The following ABCB5 variants were observed in gnomAD, a reference collection of about 807,000 sequenced individuals.
ABCB5 encodes ATP-binding cassette sub-family B member 5.
A neutral mutation model predicts 144.2 loss-of-function variants in ABCB5; 155 were observed. The observed-to-expected ratio is 1.08, with a 90% confidence interval of 0.94 to 1.23. The LOEUF (loss-of-function observed/expected upper bound fraction) is 1.23, where lower values mean the gene tolerates loss of function less well. ABCB5 is among the 50% of genes most tolerant of loss of function. The pLI is 0.00. For missense variants in ABCB5, 1,830 were observed against 1,520.8 expected (o/e 1.20, Z -3.38); for synonymous variants, 610 against 528.6 (o/e 1.15, Z -2.11).
Position 20,650,094 on chromosome 7 carries a change from A to C in ABCB5, c.1279A>C (p.Lys427Gln). Residue 427 changes from lysine (K) to glutamine (Q), a missense_variant, in exon 12 of 28, where the codon AAG (lysine) becomes CAG (glutamine). Transcript: ENST00000404938. ...VALVGLNGSGKSTVVQLLQRL... is the reference protein window; with the variant it reads ...VALVGLNGSGQSTVVQLLQRL... ...CTTGGTCGGTCTCAATGGCAGTGGG[A>C]AGAGTACGGTAGTCCAGCTTCTGCA... 6.2e-7 allele frequency: 1 copy of C among 1,613,674 alleles called. No homozygotes were observed. Among genetic ancestry groups the C allele is most frequent in the African/African-American group, 1.3e-5 (1 of 75,028 alleles).
At chr7:20,731,102 C>T (rs1308520816) in intron 23 of ABCB5, among the ~76,000 whole-genome samples, 3 of 151,942 alleles carry the variant, frequency 2.0e-5, no homozygotes, top group Admixed American at 6.6e-5. Flanking sequence ...TGCCTGTAGT[C>T]CCAACACTTT....
intron 14 of ABCB5, among the ~76,000 whole-genome samples, chr7:20,679,127 C>G (rs371694123): frequency 1.3e-4 from 20 of 152,088 alleles, no homozygotes; most frequent in African/African-American, 4.6e-4. Context: ...ATAAATTGGA[C>G]TTCATTAAAA....
chr7:20,620,659 A>T lies in ABCB5; in HGVS notation c.-21-2606A>T, dbSNP rs184420256. On this transcript the variant is annotated intron_variant, in intron 1 of 27. Coordinates refer to ENST00000404938, the MANE Select transcript of ABCB5 (RefSeq NM_001163941.2). ...TATGAGATACTCAACATCACTAGTC[A>T]TTAGGGAATTGCAAATCGCAACCAC... 5.9e-5 allele frequency among the ~76,000 whole-genome samples: 9 copies of T among 152,260 alleles called. No individual in the cohort carries two copies. In the East Asian group the frequency reaches 1.3e-3, roughly 23 times the overall value.
chr7:20,633,936 G>A (rs1784094514), intron 5 of ABCB5, among the ~76,000 whole-genome samples: 1 of 151,978 alleles, frequency 6.6e-6, no homozygotes, highest in Non-Finnish European at 1.5e-5. Context: ...TTGCATAGTG[G>A]TGAAGTCTGG....
At chr7:20,749,044 G>A (rs1178426127) in intron 26 of ABCB5, among the ~76,000 whole-genome samples, 1 of 151,858 alleles carries the variant, frequency 6.6e-6, no homozygotes, top group African/African-American at 2.4e-5. Flanking sequence ...TCCTTTCTTT[G>A]TCTCTCCCTT....
chr7:20,656,905 C>CCTTTTT (rs201306674), intron 13 of ABCB5, among the ~76,000 whole-genome samples: 1 of 123,578 alleles, frequency 8.1e-6, no homozygotes, highest in African/African-American at 3.7e-5. Flanking sequence ...TTTTCTTTTT[C>CCTTTTT]CTTTTTCTTT....
At chr7:20,675,611 C>T (rs942604552) in intron 14 of ABCB5, among the ~76,000 whole-genome samples, 15 of 151,764 alleles carry the variant, frequency 9.9e-5, no homozygotes, top group African/African-American at 2.4e-4. Flanking sequence ...AATTATTTCT[C>T]GGATATGATG....
In ABCB5 at chr7:20,718,614, G is replaced by C. The variant is rs539081118; in HGVS notation, c.2422-4402G>C. 6.6e-5 allele frequency among the ~76,000 whole-genome samples: 10 copies of C among 152,160 alleles called. No individual in the cohort carries two copies. In the East Asian group the frequency reaches 1.2e-3, roughly 18 times the overall value. ...TTTTAGGAATTAGGCAGAGCCCTGG[G>C]GGGGAGGGAGGATTTGTTATGGTTA... On this transcript the variant is annotated intron_variant, in intron 20 of 27. Coordinates refer to ENST00000404938, the MANE Select transcript of ABCB5 (RefSeq NM_001163941.2).
At chr7:20,632,575 A>T (rs530461885) in intron 5 of ABCB5, among the ~76,000 whole-genome samples, 1 of 152,084 alleles carries the variant, frequency 6.6e-6, no homozygotes, top group African/African-American at 2.4e-5. Context: ...TGTTTATTGC[A>T]GCACTATTCA....
chr7:20,649,972 A>G, intron 11 of ABCB5, 50 bp from the exon 12 acceptor site: 1 of 1,557,454 alleles, frequency 6.4e-7, no homozygotes, highest in Non-Finnish European at 8.7e-7. Flanking sequence ...AAATGTGTCC[A>G]TCATCTTCTT....
intron 23 of ABCB5, among the ~76,000 whole-genome samples, chr7:20,732,395 ATT>A (rs1164561225): frequency 2.0e-5 from 3 of 152,184 alleles, no homozygotes; most frequent in African/African-American, 7.2e-5. Context: ...ATGAAATTAT[ATT>A]TTGTGTTTCC....
At chr7:20,738,515 C>G (rs1195383215) in intron 23 of ABCB5, among the ~76,000 whole-genome samples, 1 of 152,156 alleles carries the variant, frequency 6.6e-6, no homozygotes, top group Non-Finnish European at 1.5e-5. Context: ...GCATATCAGA[C>G]AGATAACCAG....
chr7:20,669,315 A>C (rs1228481423), intron 14 of ABCB5, among the ~76,000 whole-genome samples: 2 of 146,920 alleles, frequency 1.4e-5, no homozygotes, highest in African/African-American at 2.6e-5. Context: ...AAATTGAGAA[A>C]TCGGATGGTT....
intron 19 of ABCB5, among the ~76,000 whole-genome samples, chr7:20,701,346 G>A (rs1383470941): frequency 2.0e-5 from 3 of 151,952 alleles, no homozygotes; most frequent in African/African-American, 4.8e-5. Flanking sequence ...GCTCATTTTT[G>A]TTTTTCTTTA....
intron 24 of ABCB5, among the ~76,000 whole-genome samples, chr7:20,742,078 G>T (rs1257649439): frequency 6.6e-6 from 1 of 152,168 alleles, no homozygotes; most frequent in Non-Finnish European, 1.5e-5. Context: ...ATGGTCAATT[G>T]AAAATAAAGA....
chr7:20,638,167 T>A (rs1784206641), intron 5 of ABCB5, among the ~76,000 whole-genome samples: 1 of 152,148 alleles, frequency 6.6e-6, no homozygotes, highest in South Asian at 2.1e-4. Flanking sequence ...TTTTTTCTGA[T>A]TAAATCATAT....
In ABCB5 at chr7:20,728,331, G is replaced by C; in HGVS notation, c.2743G>C (p.Ala915Pro). 1 of 1,613,906 alleles carries C rather than the reference G, an allele frequency of 6.2e-7. No individual in the cohort carries two copies. The highest frequency in any genetic ancestry group is 8.5e-7 in the Non-Finnish European group (1 of 1,179,918). The change falls in exon 23 of 28, where the codon GCA (alanine) becomes CCA (proline). Residue 915 changes from alanine (A) to proline (P), a missense_variant. Transcript: ENST00000404938. ...ACATTCCAGAAATACCTCGAAGAAA[G>C]CACAGATTATTGGAAGCTGTTATGC... Reference protein sequence around the residue: ...QTQHRNTSKKAQIIGSCYAFS... With the variant: ...QTQHRNTSKKPQIIGSCYAFS...
At chr7:20,746,814 AAT>A (rs1216293678) in intron 26 of ABCB5, among the ~76,000 whole-genome samples, 1 of 152,240 alleles carries the variant, frequency 6.6e-6, no homozygotes, top group African/African-American at 2.4e-5. Context: ...ATGAAATAAA[AAT>A]AGAGATATTT....
intron 15 of ABCB5, among the ~76,000 whole-genome samples, chr7:20,683,488 G>C (rs1293737160): frequency 6.6e-6 from 1 of 152,114 alleles, no homozygotes; most frequent in East Asian, 1.9e-4. Context: ...TACTAGTATA[G>C]TCAGATCTTT....
Sources: gnomAD v4.1 joint callset for allele counts (sites outside exome capture counted in the v4.1 genomes callset) on GRCh38, gnomAD v4.1.1 for gene constraint, MANE v1.5 for transcripts, NCBI Gene and HGNC (gene_info 2026-07-23, HGNC 2026-07-21) for gene names.